TLE7: variants seen among roughly 807,000 people sequenced by gnomAD.
The protein encoded by TLE7 is transducin-like enhancer protein 7.
Position 71,431,940 on chromosome 16 carries a change from C to T in TLE7, c.672G>A (p.Gly224=). 1 of 400,760 alleles carries T rather than the reference C, an allele frequency of 2.5e-6. No homozygotes were observed. Among genetic ancestry groups the T allele is most frequent in the East Asian group, 3.6e-5 (1 of 28,030 alleles). 24.8% of individuals were successfully genotyped at this position (400,760 alleles called of 1,614,324 possible). A position where few individuals can be genotyped will look rare whatever the true frequency, so the allele number is the denominator to read the frequency against. ...LFPDERSLIT[G]GASQAVTLWD... ...AGAGAGTCACGGCCTGGGACGCACCCCCTGTGATCAGGCTCCGCTCATCAG... is the reference window on the plus strand; with the variant it reads ...AGAGAGTCACGGCCTGGGACGCACCTCCTGTGATCAGGCTCCGCTCATCAG... Residue 224 remains glycine (G), a synonymous_variant, in exon 6 of 10, where the codon GGG becomes GGA. Transcript: ENST00000561754. This position sits in a 1 kb window ranked among gnomAD's most constrained non-coding sequence, Gnocchi z 4.5.
At chr16:71,438,436 A>AG (rs71890451) in intron 1 of TLE7, among the ~76,000 whole-genome samples, 5,844 of 146,926 alleles carry the variant, frequency 0.04, 419 homozygotes, top group African/African-American at 0.14. Flanking sequence ...AAAAAAAAAA[A>AG]AAAAAGAGAG....
At chr16:71,437,601 G>T (rs1306742091) in intron 1 of TLE7, among the ~76,000 whole-genome samples, 1 of 152,208 alleles carries the variant, frequency 6.6e-6, no homozygotes, top group Non-Finnish European at 1.5e-5. Context: ...GCATCTGAGA[G>T]GCACTGGGGG....
chr16:71,441,583 C>T (rs2042848568), intron 1 of TLE7, among the ~76,000 whole-genome samples: 1 of 152,238 alleles, frequency 6.6e-6, no homozygotes, highest in African/African-American at 2.4e-5. Context: ...GATTTTCCTC[C>T]CGCGCTCCCG....
chr16:71,435,923 G>A (rs1166544988), intron 1 of TLE7, among the ~76,000 whole-genome samples: 1 of 152,216 alleles, frequency 6.6e-6, no homozygotes, highest in African/African-American at 2.4e-5. Flanking sequence ...TTTAAAAGCA[G>A]TGAAACTATT....
At chr16:71,432,360 A>G in intron 4 of TLE7, 35 bp from the exon 5 acceptor site, 1 of 399,726 alleles carries the variant, frequency 2.5e-6, no homozygotes, top group Non-Finnish European at 4.4e-6. Context: ...AGTGGCCCTG[A>G]CCTGCTATCA....
chr16:71,434,152 A>G (rs1453745445), intron 1 of TLE7, among the ~76,000 whole-genome samples: 1 of 152,194 alleles, frequency 6.6e-6, no homozygotes, highest in African/African-American at 2.4e-5. Context: ...CTATCTAATG[A>G]TGAAGTTGGC....
chr16:71,436,429 T>C (rs1353168284), intron 1 of TLE7, among the ~76,000 whole-genome samples: 1 of 152,222 alleles, frequency 6.6e-6, no homozygotes, highest in East Asian at 1.9e-4. Flanking sequence ...TGAGCCAAGC[T>C]GCTGCTGGCG....
chr16:71,439,491 G>C (rs912448955), intron 1 of TLE7, among the ~76,000 whole-genome samples: 3 of 151,962 alleles, frequency 2.0e-5, no homozygotes, highest in African/African-American at 7.3e-5. Context: ...ATTTGGGGGT[G>C]GTTCTGAGCT....
chr16:71,431,022 G>A lies in TLE7; in HGVS notation c.1147+99C>T, dbSNP rs1436629177. On this transcript the variant is annotated intron_variant, in intron 8 of 9. Transcript: ENST00000561754. The surrounding 1 kb of genome is among the most constrained non-coding windows in gnomAD (Gnocchi z 4.5). ...ATTCTGTGCAGGATCTCCCATTACGGAGGGAGCCAGAAAAGGAAAGGGGGG... is the reference window on the plus strand; with the variant it reads ...ATTCTGTGCAGGATCTCCCATTACGAAGGGAGCCAGAAAAGGAAAGGGGGG... The A allele has an allele frequency of 2.5e-6, 1 of 399,944 alleles. No individual in the cohort carries two copies. The highest frequency in any genetic ancestry group is 4.4e-6 in the Non-Finnish European group (1 of 226,228). 24.8% of individuals were successfully genotyped at this position (399,944 alleles called of 1,614,324 possible). A position where few individuals can be genotyped will look rare whatever the true frequency, so the allele number is the denominator to read the frequency against.
At chr16:71,435,641 A>C (rs554743140) in intron 1 of TLE7, among the ~76,000 whole-genome samples, 4 of 152,206 alleles carry the variant, frequency 2.6e-5, no homozygotes, top group Non-Finnish European at 4.4e-5. Context: ...GGAAAGAAGA[A>C]TGGGAGGGAG....
At chr16:71,434,401 G>T (rs1034451528) in intron 1 of TLE7, among the ~76,000 whole-genome samples, 1 of 152,274 alleles carries the variant, frequency 6.6e-6, no homozygotes. Context: ...GAGACCCAGG[G>T]TTCTATGAAC....
chr16:71,431,307 CA>C lies in TLE7; in HGVS notation c.994-34del. 1.3e-5 allele frequency: 5 copies of C among 399,208 alleles called. No individual in the cohort carries two copies. The highest frequency in any genetic ancestry group is 1.8e-5 in the Non-Finnish European group (4 of 226,254). The allele number at this position is 399,208 out of a possible 1,614,324, so 24.7% of individuals were successfully genotyped here. A position where few individuals can be genotyped will look rare whatever the true frequency, so the allele number is the denominator to read the frequency against. On this transcript the variant is annotated intron_variant, in intron 7 of 9. Coordinates refer to ENST00000561754, the MANE Select transcript of TLE7 (RefSeq NM_001367365.2). The surrounding 1 kb of genome is among the most constrained non-coding windows in gnomAD (Gnocchi z 4.5). ...TGGAAGCAGGTTTGAGGTCAGCACTCAAAGTTGCCAACGCCATCCTTTGTGC... is the reference window on the plus strand; with the variant it reads ...TGGAAGCAGGTTTGAGGTCAGCACTCAAGTTGCCAACGCCATCCTTTGTGC...
intron 1 of TLE7, among the ~76,000 whole-genome samples, chr16:71,436,698 C>A (rs1426287680): frequency 6.6e-6 from 1 of 152,230 alleles, no homozygotes; most frequent in African/African-American, 2.4e-5. Context: ...TGGCCTGAAG[C>A]CAACAGTGGG....
At chr16:71,437,920 G>C (rs951226735) in intron 1 of TLE7, among the ~76,000 whole-genome samples, 2 of 152,112 alleles carry the variant, frequency 1.3e-5, no homozygotes, top group South Asian at 4.1e-4. Context: ...AACGTCTGTG[G>C]CTGCCTATTG....
chr16:71,433,926 C>T (rs1011439694), intron 1 of TLE7, among the ~76,000 whole-genome samples: 1 of 152,174 alleles, frequency 6.6e-6, no homozygotes, highest in African/African-American at 2.4e-5. Flanking sequence ...CCACTGCACT[C>T]CAGCCTGGTC....
Position 71,431,068 on chromosome 16 carries a change from G to T in TLE7, c.1147+53C>A. Reference sequence around the variant, plus strand: ...GGGGGTGAACAGAGAAAGAAGAGACGACAGCAAGTTCAAAATCGGACACCC... The same window carrying T: ...GGGGGTGAACAGAGAAAGAAGAGACTACAGCAAGTTCAAAATCGGACACCC... On this transcript the variant is annotated intron_variant, in intron 8 of 9. Coordinates refer to ENST00000561754, the MANE Select transcript of TLE7 (RefSeq NM_001367365.2). This position sits in a 1 kb window ranked among gnomAD's most constrained non-coding sequence, Gnocchi z 4.5. 5.0e-6 allele frequency: 2 copies of T among 400,568 alleles called. No individual in the cohort carries two copies. Among genetic ancestry groups the T allele is most frequent in the South Asian group, 2.6e-4 (2 of 7,770 alleles). 24.8% of individuals were successfully genotyped at this position (400,568 alleles called of 1,614,324 possible).
At chr16:71,433,902 G>A (rs2042816713) in intron 1 of TLE7, among the ~76,000 whole-genome samples, 1 of 152,222 alleles carries the variant, frequency 6.6e-6, no homozygotes, top group Admixed American at 6.5e-5. Context: ...AGGTTGCACT[G>A]AGGTGAGATC....
Position 71,432,091 on chromosome 16 carries a change from T to A in TLE7, c.609+19A>T. On this transcript the variant is annotated intron_variant, in intron 5 of 9. Transcript: ENST00000561754. ...GGCCCTGTCAGAGTTCCCTGAGTCC[T>A]GCTTTGGATCTCCCTCACCTGCAAG... 1 of 401,132 alleles carries A rather than the reference T, an allele frequency of 2.5e-6. No homozygotes were observed. The highest frequency in any genetic ancestry group is 1.3e-4 in the South Asian group (1 of 7,960). The allele number at this position is 401,132 out of a possible 1,614,324, so 24.8% of individuals were successfully genotyped here.
chr16:71,435,292 TC>T (rs1441990538), intron 1 of TLE7, among the ~76,000 whole-genome samples: 4 of 152,060 alleles, frequency 2.6e-5, no homozygotes, highest in Non-Finnish European at 5.9e-5. Flanking sequence ...GCACCTGTAA[TC>T]CCAGCTACTC....
Sources: allele counts gnomAD v4.1 joint callset (sites outside exome capture counted in the v4.1 genomes callset), GRCh38; gene constraint gnomAD v4.1.1; non-coding constraint Gnocchi (gnomAD v3.1); transcripts MANE v1.5; gene names NCBI Gene and HGNC (gene_info 2026-07-23, HGNC 2026-07-21).